Variants in RSPO2 observed in about 807,000 individuals in gnomAD.
RSPO2 encodes R-spondin-2.
In RSPO2, 14 loss-of-function variants were observed where a neutral mutation model predicts 30.9. That is an observed-to-expected ratio of 0.45 (90% CI 0.30 to 0.71). The LOEUF is 0.71. RSPO2 is among the 30% of genes least tolerant of loss of function. The pLI is 0.08. For missense variants in RSPO2, 264 were observed against 301.9 expected (o/e 0.87, Z 0.93); for synonymous variants, 107 against 96.4 (o/e 1.11, Z -0.64).
At position 107,964,491 on chromosome 8, in the gene RSPO2, G is replaced by A. The variant is rs771083142; in HGVS notation, c.284-3674C>T. 4.6e-5 allele frequency among the ~76,000 whole-genome samples: 7 copies of A among 152,162 alleles called. No homozygotes were observed. The South Asian group carries it at 8.3e-4, about 18-fold the overall frequency. ...AGTCCCGACCTCAGGTGATCCACCC[G>A]CCTCAGCCTCCCAAAGTGTGTGAGC... On this transcript the variant is annotated intron_variant, in intron 3 of 5. Coordinates refer to ENST00000276659, the MANE Select transcript of RSPO2 (RefSeq NM_178565.5).
chr8:108,082,725 G>A lies in RSPO2; in HGVS notation c.-87C>T. 2.6e-6 allele frequency: 3 copies of A among 1,142,722 alleles called. No individual in the cohort carries two copies. Among genetic ancestry groups the A allele is most frequent in the South Asian group, 2.7e-5 (2 of 73,854 alleles). 70.8% of individuals were successfully genotyped at this position (1,142,722 alleles called of 1,614,324 possible). On this transcript the variant is annotated 5_prime_UTR_variant, in exon 2 of 6. Coordinates refer to ENST00000276659, the MANE Select transcript of RSPO2 (RefSeq NM_178565.5). ...AGAGCCGGCGCCGGCCGCGCTGCTG[G>A]GGAGGACTCAGAGGGAGACTCGCCA...
chr8:107,962,896 AG>A (rs1374726090), intron 3 of RSPO2, among the ~76,000 whole-genome samples: 11 of 152,244 alleles, frequency 7.2e-5, no homozygotes, highest in African/African-American at 2.6e-4. Flanking sequence ...CACACCAATA[AG>A]CTTTTTGGCC....
At chr8:107,982,907 T>C (rs1404574967) in intron 3 of RSPO2, among the ~76,000 whole-genome samples, 1 of 152,148 alleles carries the variant, frequency 6.6e-6, no homozygotes, top group Non-Finnish European at 1.5e-5. Context: ...TATACTATAT[T>C]TTTTAGGTAT....
chr8:108,022,219 C>T (rs1811080735), intron 2 of RSPO2, among the ~76,000 whole-genome samples: 1 of 152,146 alleles, frequency 6.6e-6, no homozygotes, highest in Non-Finnish European at 1.5e-5. Context: ...TCTTTAGTAC[C>T]TTTCAGAGGC....
chr8:107,946,546 T>C (rs763760332), intron 5 of RSPO2, among the ~76,000 whole-genome samples: 20 of 152,222 alleles, frequency 1.3e-4, no homozygotes, highest in Middle Eastern at 3.4e-3. Flanking sequence ...GTCTGAATCA[T>C]AGTTGAAGCC....
intron 3 of RSPO2, among the ~76,000 whole-genome samples, chr8:107,973,532 TCACACACACACACACACA>T (rs4035018): frequency 1.3e-5 from 2 of 149,538 alleles, no homozygotes; most frequent in Non-Finnish European, 3.0e-5. Flanking sequence ...AGACACACAC[TCACACACACACACACACA>T]CACACACACA....
chr8:107,983,724 G>A (rs1814530032), intron 3 of RSPO2: 10 of 1,591,908 alleles, frequency 6.3e-6, no homozygotes, highest in South Asian at 1.1e-5. Flanking sequence ...GGCTGAAAAG[G>A]CCAGACTTCT....
In RSPO2 at chr8:107,900,845, G is replaced by A. The variant is rs1378170121; in HGVS notation, c.*230C>T. 10 of 437,432 alleles carry A rather than the reference G, an allele frequency of 2.3e-5. No individual in the cohort carries two copies. The East Asian group carries it at 3.3e-4, about 14-fold the overall frequency. The allele number at this position is 437,432 out of a possible 1,614,324, so 27.1% of individuals were successfully genotyped here. On this transcript the variant is annotated 3_prime_UTR_variant, in exon 6 of 6. Transcript: ENST00000276659. Reference sequence around the variant, plus strand: ...GGGACGGATTCTCTCAGCACACACTGAGCCAAGTCACGGGCTGTGCACTTA... The same window carrying A: ...GGGACGGATTCTCTCAGCACACACTAAGCCAAGTCACGGGCTGTGCACTTA...
intron 2 of RSPO2, among the ~76,000 whole-genome samples, chr8:108,054,962 A>G (rs957527431): frequency 6.6e-6 from 1 of 152,078 alleles, no homozygotes; most frequent in African/African-American, 2.4e-5. Context: ...AAAACAAAAC[A>G]AAACAACGAT....
chr8:108,082,566 G>C lies in RSPO2; in HGVS notation c.73C>G (p.Arg25Gly), dbSNP rs143724513. 5 of 1,613,950 alleles carry C rather than the reference G, an allele frequency of 3.1e-6. No homozygotes were observed. In the African/African-American group the frequency reaches 4.0e-5, roughly 13 times the overall value. ...CCACCTCGCTTACTGCGTCTCCATCGGTTGCCTTGGCAGTGGCTGTAATCC... is the reference window on the plus strand; with the variant it reads ...CCACCTCGCTTACTGCGTCTCCATCCGTTGCCTTGGCAGTGGCTGTAATCC... The part of the protein sequence containing the change: ...CMDYSHCQGN[R>G]WRRSKRASYV... Residue 25 changes from arginine (R) to glycine (G), a missense_variant, in exon 2 of 6, where the codon CGA (arginine) becomes GGA (glycine). Physicochemically the swap from Arg to Gly is moderately radical, Grantham distance 125. Coordinates refer to ENST00000276659, the MANE Select transcript of RSPO2 (RefSeq NM_178565.5).
chr8:108,039,209 C>T lies in RSPO2; in HGVS notation c.94+43336G>A, dbSNP rs114065748. Among the ~76,000 whole-genome samples the T allele has an allele frequency of 5.8e-3, 877 of 152,264 alleles. 10 individuals are homozygous for T. The highest frequency in any genetic ancestry group is 0.02 in the African/African-American group (842 of 41,550). On this transcript the variant is annotated intron_variant, in intron 2 of 5. Transcript: ENST00000276659. ...TTCTCATCTTCATATATTACCACAA[C>T]ACTTTAATAATCTGGAAAACTAATT...
At chr8:108,045,102 C>G (rs1795909650) in intron 2 of RSPO2, among the ~76,000 whole-genome samples, 1 of 152,124 alleles carries the variant, frequency 6.6e-6, no homozygotes, top group African/African-American at 2.4e-5. Flanking sequence ...TAAACAGCCT[C>G]TGCAGAGAAA....
chr8:108,054,971 A>G (rs949576882), intron 2 of RSPO2, among the ~76,000 whole-genome samples: 2 of 151,886 alleles, frequency 1.3e-5, no homozygotes, highest in African/African-American at 2.4e-5. Context: ...CAAAACAACG[A>G]TTAGCCGGGT....
rs561465346 is a variant in RSPO2, at chr8:107,994,443, G to A, written c.95-5199C>T. On this transcript the variant is annotated intron_variant, in intron 2 of 5. Coordinates refer to ENST00000276659, the MANE Select transcript of RSPO2 (RefSeq NM_178565.5). ...TGATGGGACATGGTGGGAGAAGACA[G>A]TACTAAGCAAATGTCGAAATAGCAT... Among the ~76,000 whole-genome samples the A allele has an allele frequency of 2.7e-4, 41 of 152,048 alleles. No individual in the cohort carries two copies. The South Asian group carries it at 6.6e-3, about 25-fold the overall frequency.
Position 108,010,431 on chromosome 8 carries a change from G to A in RSPO2, c.95-21187C>T, listed in dbSNP as rs1197667721. Among the ~76,000 whole-genome samples, 5 of 152,212 alleles carry A rather than the reference G, an allele frequency of 3.3e-5. No homozygotes were observed. The East Asian group carries it at 5.8e-4, about 18-fold the overall frequency. Reference sequence around the variant, plus strand: ...TCCCAGACACTTATGTGAGCAGGACGCGAGACATGGTAGTAAGATGTTCAG... The same window carrying A: ...TCCCAGACACTTATGTGAGCAGGACACGAGACATGGTAGTAAGATGTTCAG... On this transcript the variant is annotated intron_variant, in intron 2 of 5. Coordinates refer to ENST00000276659, the MANE Select transcript of RSPO2 (RefSeq NM_178565.5).
intron 5 of RSPO2, among the ~76,000 whole-genome samples, chr8:107,909,259 GTTTTTTT>G (rs11292252): frequency 2.2e-5 from 2 of 91,616 alleles, no homozygotes; most frequent in Non-Finnish European, 2.3e-5. Context: ...TTTCCCAGTT[GTTTTTTT>G]TTTTTTTTTT....
intron 2 of RSPO2, among the ~76,000 whole-genome samples, chr8:108,022,933 C>CA (rs71562170): frequency 0.063 from 8,163 of 130,252 alleles, 306 homozygotes; most frequent in African/African-American, 0.1. Flanking sequence ...AAAAAAAAAA[C>CA]AAAAAAAAAA....
intron 2 of RSPO2, among the ~76,000 whole-genome samples, chr8:108,033,129 G>T (rs1487968437): frequency 1.3e-5 from 2 of 150,394 alleles, no homozygotes; most frequent in Non-Finnish European, 2.9e-5. Flanking sequence ...TCGAACTTCT[G>T]GCCTCAAGCA....
chr8:108,047,696 A>G (rs1416448328), intron 2 of RSPO2, among the ~76,000 whole-genome samples: 1 of 152,042 alleles, frequency 6.6e-6, no homozygotes, highest in Admixed American at 6.5e-5. Flanking sequence ...AAAAATATCA[A>G]AAACATTAGC....
Sources: gnomAD v4.1 joint callset for allele counts (sites outside exome capture counted in the v4.1 genomes callset) on GRCh38, gnomAD v4.1.1 for gene constraint, MANE v1.5 for transcripts, NCBI Gene and HGNC (gene_info 2026-07-23, HGNC 2026-07-21) for gene names.